SPTLC3: variants seen among roughly 807,000 people sequenced by gnomAD.
SPTLC3 encodes serine palmitoyltransferase long chain base subunit 3, also known as serine palmitoyltransferase 3.
Under a neutral mutation model 59.3 loss-of-function variants are expected in SPTLC3, and 36 were observed. That is an observed-to-expected ratio of 0.61 (90% confidence interval 0.47 to 0.80). The LOEUF (loss-of-function observed/expected upper bound fraction) is 0.80. Among genes scored for constraint, SPTLC3 ranks in the 30% least tolerant of loss-of-function variants. The probability of loss-of-function intolerance (pLI) is 0.00; values close to 1 mark genes in which losing one functional copy is unlikely to be tolerated. For synonymous variants in SPTLC3, 257 were observed against 240.8 expected (o/e 1.07, Z -0.62); for missense variants, 625 against 685.1 (o/e 0.91, Z 0.98).
intron 6 of SPTLC3, among the ~76,000 whole-genome samples, chr20:13,103,996 G>C (rs1989730695): frequency 6.6e-6 from 1 of 152,186 alleles, no homozygotes; most frequent in Non-Finnish European, 1.5e-5. Flanking sequence ...CAGGAGGCTT[G>C]CTATTATTAG....
intron 6 of SPTLC3, among the ~76,000 whole-genome samples, chr20:13,100,990 A>C (rs1989581730): frequency 1.3e-5 from 1 of 76,298 alleles, no homozygotes; most frequent in Admixed American, 1.7e-4. Flanking sequence ...AGGGCACAGG[A>C]AGCACCAGTA....
chr20:13,139,184 G>A (rs1457902540), intron 9 of SPTLC3, among the ~76,000 whole-genome samples: 1 of 152,120 alleles, frequency 6.6e-6, no homozygotes, highest in Non-Finnish European at 1.5e-5. Context: ...ATTACTTGGT[G>A]ACTAGTAACA....
intron 1 of SPTLC3, among the ~76,000 whole-genome samples, chr20:13,032,174 C>T (rs78937563): frequency 0.055 from 8,399 of 152,178 alleles, 276 homozygotes; most frequent in South Asian, 0.083. Context: ...CAGAATAACT[C>T]AATAAAAGCT....
intron 8 of SPTLC3, among the ~76,000 whole-genome samples, chr20:13,123,054 G>A (rs180871452): frequency 2.1e-3 from 319 of 152,310 alleles, no homozygotes; most frequent in Middle Eastern, 0.014. Context: ...TACTCGGCCA[G>A]GCGTGGTGGC....
intron 2 of SPTLC3, among the ~76,000 whole-genome samples, chr20:13,060,075 G>C (rs1183880719): frequency 6.6e-6 from 1 of 151,928 alleles, no homozygotes; most frequent in Admixed American, 6.6e-5. Flanking sequence ...TAATAATCTT[G>C]CTTCTATCAA....
At chr20:13,019,013 ATC>A (rs1205106610) in intron 1 of SPTLC3, among the ~76,000 whole-genome samples, 1 of 152,194 alleles carries the variant, frequency 6.6e-6, no homozygotes, top group Non-Finnish European at 1.5e-5. Context: ...TACTTCATCT[ATC>A]TATCACAGTG....
intron 2 of SPTLC3, among the ~76,000 whole-genome samples, chr20:13,052,564 G>A (rs1987541313): frequency 2.6e-5 from 4 of 152,106 alleles, no homozygotes; most frequent in Admixed American, 2.6e-4. Flanking sequence ...CCTGGAAAGG[G>A]GGTTGAAGCC....
chr20:13,039,897 T>G (rs1255325520), intron 1 of SPTLC3, among the ~76,000 whole-genome samples: 1 of 152,092 alleles, frequency 6.6e-6, no homozygotes, highest in Admixed American at 6.6e-5. Flanking sequence ...TAGCCTACCT[T>G]CCCTTTTATG....
intron 11 of SPTLC3, among the ~76,000 whole-genome samples, chr20:13,163,106 G>A (rs570353603): frequency 2.0e-4 from 30 of 152,088 alleles, no homozygotes; most frequent in Non-Finnish European, 4.1e-4. Flanking sequence ...AGTGGCTCAC[G>A]CCTATAATCC....
At chr20:13,089,084 T>C (rs780425447) in intron 4 of SPTLC3, among the ~76,000 whole-genome samples, 2 of 152,214 alleles carry the variant, frequency 1.3e-5, no homozygotes, top group Non-Finnish European at 2.9e-5. Context: ...GAACTGACCA[T>C]TCAATACCTT....
chr20:13,049,343 C>T (rs1163140998), intron 2 of SPTLC3: 6 of 528,272 alleles, frequency 1.1e-5, no homozygotes, highest in Non-Finnish European at 2.1e-5. Context: ...CTATTTGCCA[C>T]ATACCAAACT....
At chr20:13,101,610 G>A (rs1600278843) in intron 6 of SPTLC3, among the ~76,000 whole-genome samples, 1 of 152,236 alleles carries the variant, frequency 6.6e-6, no homozygotes, top group East Asian at 1.9e-4. Flanking sequence ...CTCAGCTACA[G>A]AGTCAGCTGC....
chr20:13,163,382 A>C (rs2038933330), intron 11 of SPTLC3, among the ~76,000 whole-genome samples: 1 of 151,668 alleles, frequency 6.6e-6, no homozygotes, highest in African/African-American at 2.4e-5. Context: ...AAAAAAAAAA[A>C]AAAAAAAATA....
chr20:13,073,772 G>A lies in SPTLC3; in HGVS notation c.459-577G>A, dbSNP rs189825650. 5.5e-4 allele frequency: 325 copies of A among 589,730 alleles called. 1 individual carries two copies. The highest frequency in any genetic ancestry group is 8.5e-4 in the Non-Finnish European group (255 of 300,038). The allele number at this position is 589,730 out of a possible 1,614,324, so 36.5% of individuals were successfully genotyped here. On this transcript the variant is annotated intron_variant, in intron 3 of 11. Coordinates refer to ENST00000399002, the MANE Select transcript of SPTLC3 (RefSeq NM_018327.4). ...TTATTCCAGACACGGTCCAAAGAGG[G>A]CAGCCAGCCTGCACTGGTCCTGGAG... is the stretch of plus-strand genomic sequence containing the variant.
intron 7 of SPTLC3, among the ~76,000 whole-genome samples, chr20:13,113,498 T>C (rs1990359175): frequency 6.6e-6 from 1 of 152,106 alleles, no homozygotes; most frequent in African/African-American, 2.4e-5. Context: ...TAGAAAAGGC[T>C]AGATACCCAG....
chr20:13,064,418 C>G (rs2122546582), intron 2 of SPTLC3, among the ~76,000 whole-genome samples: 1 of 152,244 alleles, frequency 6.6e-6, no homozygotes, highest in South Asian at 2.1e-4. Flanking sequence ...CTCAACCCCC[C>G]GAGTAGCTGA....
rs33973192 is a variant in SPTLC3 at position 13,064,271 on chromosome 20, C to CT, written c.304-7973dup. ...AGTTCTTTTTTTTCTTTTTCCTTTT[C>CT]TTTTTTTTTTTTGTTTTGTTTTTGT... On this transcript the variant is annotated intron_variant, in intron 2 of 11. Coordinates refer to ENST00000399002, the MANE Select transcript of SPTLC3 (RefSeq NM_018327.4). 5.5e-4 allele frequency among the ~76,000 whole-genome samples: 76 copies of CT among 137,260 alleles called. 1 individual carries two copies. In the South Asian group the frequency reaches 7.2e-3, roughly 13 times the overall value. The allele number at this position is 137,260 out of a possible 152,430, so 90.0% of individuals were successfully genotyped here.
chr20:13,121,485 G>C (rs898368108), intron 8 of SPTLC3, among the ~76,000 whole-genome samples: 2 of 152,164 alleles, frequency 1.3e-5, no homozygotes, highest in Non-Finnish European at 2.9e-5. Flanking sequence ...CTCCCAAAAG[G>C]CCACCCTTGC....
Position 13,032,461 on chromosome 20 carries a change from G to A in SPTLC3, c.118-16484G>A, listed in dbSNP as rs982365137. ...TCTGGCTTACCCTGCTATCAAAGGC[G>A]TTCCATTATTCAATTCCAGTGGACT... On this transcript the variant is annotated intron_variant, in intron 1 of 11. Coordinates refer to ENST00000399002, the MANE Select transcript of SPTLC3 (RefSeq NM_018327.4). 5.9e-5 allele frequency among the ~76,000 whole-genome samples: 9 copies of A among 152,088 alleles called. No individual in the cohort carries two copies. The South Asian group carries it at 6.2e-4, about 11-fold the overall frequency.
Sources: gnomAD v4.1 joint callset for allele counts (sites outside exome capture counted in the v4.1 genomes callset) on GRCh38, gnomAD v4.1.1 for gene constraint, MANE v1.5 for transcripts, NCBI Gene and HGNC (gene_info 2026-07-23, HGNC 2026-07-21) for gene names.